SMAD2: variants seen among roughly 807,000 people sequenced by gnomAD.
SMAD2 encodes the protein SMAD family member 2, also known as MAD homolog 2.
In SMAD2, 8 loss-of-function variants were observed where a neutral mutation model predicts 64.4. The observed-to-expected ratio is 0.12, with a 90% CI of 0.07 to 0.22. The LOEUF (loss-of-function observed/expected upper bound fraction) is 0.22. SMAD2 is among the 10% of genes least tolerant of loss of function. SMAD2 has a pLI of 1.00. For missense variants in SMAD2, 289 were observed against 561.2 expected (o/e 0.51, Z 4.90); for synonymous variants, 203 against 195.8 (o/e 1.04, Z -0.31).
At chr18:47,910,721 T>C (rs1403832069) in intron 1 of SMAD2, among the ~76,000 whole-genome samples, 1 of 152,182 alleles carries the variant, frequency 6.6e-6, no homozygotes, top group African/African-American at 2.4e-5. Flanking sequence ...CTCTTCCTTA[T>C]GATTTTCTTA....
At chr18:47,888,253 C>T (rs1371214848) in intron 2 of SMAD2, among the ~76,000 whole-genome samples, 1 of 152,036 alleles carries the variant, frequency 6.6e-6, no homozygotes, top group Non-Finnish European at 1.5e-5. Context: ...TAATGAGATC[C>T]AGATGAACTA....
intron 6 of SMAD2, 68 bp downstream of exon 6, chr18:47,864,991 G>A: frequency 2.2e-6 from 2 of 910,760 alleles, no homozygotes; most frequent in Non-Finnish European, 3.6e-6. Context: ...AACATCTTTT[G>A]TGAATTTCAA....
Position 47,836,145 on chromosome 18 carries a change from T to C in SMAD2, c.*5682A>G, listed in dbSNP as rs1913393196. The C allele has an allele frequency of 4.6e-6, 1 of 219,672 alleles. No individual in the cohort carries two copies. The highest frequency in any genetic ancestry group is 9.1e-6 in the Non-Finnish European group (1 of 109,570). 13.6% of individuals were successfully genotyped at this position (219,672 alleles called of 1,614,324 possible). On this transcript the variant is annotated 3_prime_UTR_variant, in exon 11 of 11. Coordinates refer to ENST00000262160, the MANE Select transcript of SMAD2 (RefSeq NM_005901.6). ...AGAATCTTGGAAAATCCATTTATAT[T>C]GAGCAAAGATCTGAATCACCTTCAA...
intron 2 of SMAD2, among the ~76,000 whole-genome samples, chr18:47,875,913 T>C (rs1302573562): frequency 6.6e-6 from 1 of 152,076 alleles, no homozygotes; most frequent in African/African-American, 2.4e-5. Context: ...GTTATATAAC[T>C]GAGTATAAAT....
At position 47,882,041 on chromosome 18, in the gene SMAD2, C is replaced by CTTTTTTTTTTTTTTTTTTTTTTTTTT. The variant is rs71162900; in HGVS notation, c.237-11503_237-11478dup. On this transcript the variant is annotated intron_variant, in intron 2 of 10. Transcript: ENST00000262160. ...CACAGGAATGTACTACCACGCTTGG[C>CTTTTTTTTTTTTTTTTTTTTTTTTTT]TTTTTTTTTTTTTTTTTTTTTTTTT... Among the ~76,000 whole-genome samples the CTTTTTTTTTTTTTTTTTTTTTTTTTT allele has an allele frequency of 1.3e-3, 52 of 38,866 alleles. 12 individuals are homozygous for CTTTTTTTTTTTTTTTTTTTTTTTTTT. Among genetic ancestry groups the CTTTTTTTTTTTTTTTTTTTTTTTTTT allele is most frequent in the Non-Finnish European group, 1.5e-3 (32 of 20,870 alleles). The allele number at this position is 38,866 out of a possible 152,430, so 25.5% of individuals were successfully genotyped here.
chr18:47,821,754 T>A lies in SMAD2; in HGVS notation c.*20073A>T, dbSNP rs1912583413. The stretch of plus-strand genomic sequence containing the variant: ...TGTTCTATCAAGATAAATTCTTGTG[T>A]TTAAGTTTTTTTTTTGCTTGGGAAA... On this transcript the variant is annotated 3_prime_UTR_variant, in exon 11 of 11. Coordinates refer to ENST00000262160, the MANE Select transcript of SMAD2 (RefSeq NM_005901.6). 1 of 152,290 alleles carries A rather than the reference T, an allele frequency of 6.6e-6. No homozygotes were observed. The highest frequency in any genetic ancestry group is 2.1e-4 in the South Asian group (1 of 4,830). The allele number at this position is 152,290 out of a possible 1,614,324, so 9.4% of individuals were successfully genotyped here. A position where few individuals can be genotyped will look rare whatever the true frequency, so the allele number is the denominator to read the frequency against.
chr18:47,914,511 G>A (rs2144523732), intron 1 of SMAD2, among the ~76,000 whole-genome samples: 1 of 152,260 alleles, frequency 6.6e-6, no homozygotes, highest in Non-Finnish European at 1.5e-5. Flanking sequence ...TCTTATGGAT[G>A]CTTTAGTTTA....
intron 2 of SMAD2, among the ~76,000 whole-genome samples, chr18:47,879,178 TAACTA>T (rs1311325487): frequency 6.6e-6 from 1 of 152,184 alleles, no homozygotes; most frequent in Non-Finnish European, 1.5e-5. Flanking sequence ...AGAATGCACA[TAACTA>T]GAGTTCGCTG....
At chr18:47,884,757 G>T (rs1340058189) in intron 2 of SMAD2, among the ~76,000 whole-genome samples, 1 of 152,080 alleles carries the variant, frequency 6.6e-6, no homozygotes, top group East Asian at 1.9e-4. Context: ...AAGTCACACA[G>T]TCCTATAAGA....
chr18:47,900,240 A>C (rs1278532439), intron 1 of SMAD2, among the ~76,000 whole-genome samples: 1 of 152,176 alleles, frequency 6.6e-6, no homozygotes, highest in Non-Finnish European at 1.5e-5. Context: ...TACTAAGTCT[A>C]CAAAATCTGT....
rs1279982009 is a variant in SMAD2 at position 47,930,643 on chromosome 18, G to C, written c.-336C>G. 6.7e-6 allele frequency: 1 copy of C among 149,940 alleles called. No homozygotes were observed. The highest frequency in any genetic ancestry group is 2.4e-5 in the African/African-American group (1 of 40,836). 9.3% of individuals were successfully genotyped at this position (149,940 alleles called of 1,614,324 possible). ...CTGGCCGCCGCCCGCGGGGAAGGAGGGGGTGAGGACGCGCGCGCCCGCGCT... is the reference window on the plus strand; with the variant it reads ...CTGGCCGCCGCCCGCGGGGAAGGAGCGGGTGAGGACGCGCGCGCCCGCGCT... On this transcript the variant is annotated 5_prime_UTR_variant, in exon 1 of 11. Coordinates refer to ENST00000262160, the MANE Select transcript of SMAD2 (RefSeq NM_005901.6).
chr18:47,922,194 T>G (rs900063903), intron 1 of SMAD2, among the ~76,000 whole-genome samples: 1 of 152,218 alleles, frequency 6.6e-6, no homozygotes, highest in Non-Finnish European at 1.5e-5. Context: ...ATTCCCCAAA[T>G]ACCTATGTGA....
intron 10 of SMAD2, chr18:47,844,942 A>G: frequency 2.8e-6 from 1 of 358,744 alleles, no homozygotes; most frequent in Non-Finnish European, 5.0e-6. Flanking sequence ...TGTCAAGATT[A>G]TCACTTCCCA....
intron 1 of SMAD2, among the ~76,000 whole-genome samples, chr18:47,897,104 T>C (rs1955772149): frequency 1.3e-5 from 2 of 152,156 alleles, no homozygotes; most frequent in Admixed American, 1.3e-4. Context: ...TTTAAACTCT[T>C]AGTAGTGTCA....
chr18:47,910,814 A>G (rs1323765752), intron 1 of SMAD2, among the ~76,000 whole-genome samples: 3 of 152,174 alleles, frequency 2.0e-5, no homozygotes, highest in Admixed American at 6.5e-5. Context: ...CTGTTTATGT[A>G]TTGGTAAGGC....
chr18:47,871,427 T>C (rs886316643), intron 2 of SMAD2, among the ~76,000 whole-genome samples: 7 of 152,248 alleles, frequency 4.6e-5, no homozygotes, highest in African/African-American at 1.7e-4. Flanking sequence ...TATTTACACA[T>C]TGTTAGTGAG....
chr18:47,885,130 TATACACACAC>T (rs1286553371), intron 2 of SMAD2, among the ~76,000 whole-genome samples: 37 of 64,272 alleles, frequency 5.8e-4, no homozygotes, highest in South Asian at 2.6e-3. Flanking sequence ...GATTTAGTCA[TATACACACAC>T]ACACACACAC....
At chr18:47,878,839 G>A (rs1244321898) in intron 2 of SMAD2, among the ~76,000 whole-genome samples, 2 of 152,158 alleles carry the variant, frequency 1.3e-5, no homozygotes, top group African/African-American at 4.8e-5. Flanking sequence ...GCTAAATTCT[G>A]TAATTTGGAT....
chr18:47,893,580 T>C (rs1274229456), intron 2 of SMAD2, among the ~76,000 whole-genome samples: 2 of 152,228 alleles, frequency 1.3e-5, no homozygotes, highest in Non-Finnish European at 2.9e-5. Context: ...CTGTTTAAGC[T>C]AAGGTTTGGA....
Sources: allele counts gnomAD v4.1 joint callset (sites outside exome capture counted in the v4.1 genomes callset), GRCh38; gene constraint gnomAD v4.1.1; transcripts MANE v1.5; gene names NCBI Gene and HGNC (gene_info 2026-07-23, HGNC 2026-07-21).